ASPM: variants seen among roughly 807,000 people sequenced by gnomAD.
ASPM encodes the protein abnormal spindle-like microcephaly-associated protein.
ASPM carries 256 observed loss-of-function variants against 366.4 expected under a neutral mutation model. The ratio of observed to expected loss-of-function variants is 0.70; its 90% CI spans 0.63 to 0.77. The LOEUF (loss-of-function observed/expected upper bound fraction) is 0.77, where lower values mean the gene tolerates loss of function less well. Ranked by LOEUF, ASPM falls within the 30% of genes least tolerant of loss-of-function variation. The pLI is 0.00. For missense variants in ASPM, 4,146 were observed against 4,090.4 expected, an observed-to-expected ratio of 1.01 and a Z score of -0.37; for synonymous variants, 1,414 against 1,342.9, an observed-to-expected ratio of 1.05 and a Z score of -1.16.
At chr1:197,085,248 T>C (rs1478772835) in intron 27 of ASPM, among the ~76,000 whole-genome samples, 7 of 152,308 alleles carry the variant, frequency 4.6e-5, no homozygotes, top group African/African-American at 1.7e-4. Flanking sequence ...ATTTTATTTT[T>C]TGCCAATAAT....
At position 197,102,977 on chromosome 1, in the gene ASPM, T is replaced by G; in HGVS notation, c.6274A>C (p.Asn2092His). The G allele has an allele frequency of 3.7e-6, 6 of 1,612,414 alleles. No individual in the cohort carries two copies. The highest frequency in any genetic ancestry group is 5.1e-6 in the Non-Finnish European group (6 of 1,179,070). ...ATTTTAATTGCTGTCTTCTTCAAAT[T>G]AAGATACTCCTTATGCTGATGGTTT... The part of the protein sequence containing the change: ...ITNHQHKEYL[N>H]LKKTAIKIQS... Residue 2092 changes from asparagine to histidine, a missense_variant, in exon 18 of 28, where the codon AAT becomes CAT. Physicochemically the swap from Asn to His is moderately conservative, Grantham distance 68. Transcript: ENST00000367409.
chr1:197,103,355 G>A lies in ASPM; in HGVS notation c.5896C>T (p.Gln1966Ter). The change falls in exon 18 of 28, where the codon CAG becomes TAG. Residue 1966 changes from glutamine (Q) to a stop codon, truncating the protein, a stop_gained. Transcript: ENST00000367409. LOFTEE classifies it high-confidence loss of function. ...SMWKGKTLRR[Q>*]LQRQHKCAII... ...GCACATTTATGTTGCCTTTGAAGCT[G>A]TCTTCTCAGTGTTTTTCCCTTCCAC... 1 of 1,613,260 alleles carries A rather than the reference G, an allele frequency of 6.2e-7. No individual in the cohort carries two copies. The highest frequency in any genetic ancestry group is 2.2e-5 in the East Asian group (1 of 44,846).
Position 197,139,756 on chromosome 1 carries a change from T to A in ASPM, c.2026+11A>T. On this transcript the variant is annotated intron_variant, in intron 4 of 27. Coordinates refer to ENST00000367409, the MANE Select transcript of ASPM (RefSeq NM_018136.5). ...ATGTTTTCAGAGAGTTTAAGTATAA[T>A]AAATACTTGCCTGTTTTTAATGGTT... 1.3e-6 allele frequency: 2 copies of A among 1,547,192 alleles called. No individual in the cohort carries two copies. Among genetic ancestry groups the A allele is most frequent in the Non-Finnish European group, 1.8e-6 (2 of 1,118,994 alleles).
chr1:197,102,773 G>A lies in ASPM; in HGVS notation c.6478C>T (p.Arg2160Cys), dbSNP rs1316373424. Residue 2160 changes from arginine to cysteine, a missense_variant, in exon 18 of 28, where the codon CGT (arginine) becomes TGT (cysteine). Arg to Cys is a radical substitution (Grantham distance 180). This residue lies in a region of ASPM where 3,624 missense variants were observed against 3,591.7 expected (regional missense o/e 1.01). Coordinates refer to ENST00000367409, the MANE Select transcript of ASPM (RefSeq NM_018136.5). ...CRAYYQGKMQ[R>C]EKYLTILKAV... ...TTCAAAATTGTCAGGTACTTTTCACGCTGCATTTTACCTTGATAATATGCT... is the reference window on the plus strand; with the variant it reads ...TTCAAAATTGTCAGGTACTTTTCACACTGCATTTTACCTTGATAATATGCT... 4.3e-6 allele frequency: 7 copies of A among 1,612,186 alleles called. No individual in the cohort carries two copies. Among genetic ancestry groups the A allele is most frequent in the East Asian group, 2.2e-5 (1 of 44,826 alleles).
chr1:197,146,537 C>T lies in ASPM; in HGVS notation c.-100G>A. 3 of 1,366,508 alleles carry T rather than the reference C, an allele frequency of 2.2e-6. No homozygotes were observed. Among genetic ancestry groups the T allele is most frequent in the Non-Finnish European group, 3.1e-6 (3 of 982,658 alleles). 84.6% of individuals were successfully genotyped at this position (1,366,508 alleles called of 1,614,324 possible). A position where few individuals can be genotyped will look rare whatever the true frequency, so the allele number is the denominator to read the frequency against. On this transcript the variant is annotated 5_prime_UTR_variant, in exon 1 of 28. Transcript: ENST00000367409. ...TACGCTGACCGCTTCCCCTCAGGGG[C>T]GGCTGTAGAGGTCGTGGGAGTGAAT...
At chr1:197,140,645 T>G (rs1189913914) in intron 3 of ASPM, among the ~76,000 whole-genome samples, 1 of 152,242 alleles carries the variant, frequency 6.6e-6, no homozygotes, top group African/African-American at 2.4e-5. Context: ...TTAATCACTT[T>G]GAAGCACCTT....
At chr1:197,134,580 G>A (rs2125110075) in intron 5 of ASPM, among the ~76,000 whole-genome samples, 1 of 152,272 alleles carries the variant, frequency 6.6e-6, no homozygotes, top group East Asian at 1.9e-4. Context: ...AGCTGAAATT[G>A]ATCCCTATAA....
intron 17 of ASPM, among the ~76,000 whole-genome samples, chr1:197,117,528 A>G (rs962496079): frequency 2.0e-5 from 3 of 152,148 alleles, no homozygotes; most frequent in African/African-American, 7.2e-5. Context: ...CATGTCCCAC[A>G]GCGTAGAAGA....
intron 4 of ASPM, 44 bp from the exon 5 acceptor site, chr1:197,135,286 C>A (rs762467817): frequency 6.3e-7 from 1 of 1,585,234 alleles, no homozygotes; most frequent in Non-Finnish European, 8.7e-7. Context: ...TTTCCTTTAA[C>A]TTATTGTACA....
intron 3 of ASPM, among the ~76,000 whole-genome samples, chr1:197,142,070 G>A (rs1464308116): frequency 6.6e-6 from 1 of 152,002 alleles, no homozygotes. Flanking sequence ...TGTACATCTT[G>A]TAGGAGATTA....
At chr1:197,128,368 T>C in intron 10 of ASPM, 122 bp downstream of exon 10, 3 of 1,039,354 alleles carry the variant, frequency 2.9e-6, no homozygotes, top group Non-Finnish European at 4.3e-6. Flanking sequence ...ACCTCAATTT[T>C]TTTCAGTACT....
In ASPM at chr1:197,110,105, A is replaced by C. The variant is rs554753439; in HGVS notation, c.4066-4920T>G. Among the ~76,000 whole-genome samples, 6 of 152,208 alleles carry C rather than the reference A, an allele frequency of 3.9e-5. No homozygotes were observed. In the East Asian group the frequency reaches 9.7e-4, roughly 25 times the overall value. On this transcript the variant is annotated intron_variant, in intron 17 of 27. Coordinates refer to ENST00000367409, the MANE Select transcript of ASPM (RefSeq NM_018136.5). ...AAAACTTAAATGGAAAGACAAAGCA[A>C]CTAGAAAATTCCAACTCATTTTGAA...
intron 1 of ASPM, among the ~76,000 whole-genome samples, chr1:197,145,661 TAAA>T (rs1231363880): frequency 6.6e-6 from 1 of 152,026 alleles, no homozygotes. Context: ...AAAAAAGTGT[TAAA>T]AAAGTGCATT....
chr1:197,130,089 T>G (rs1423395495), intron 7 of ASPM, 33 bp from the exon 8 acceptor site: 1 of 1,605,572 alleles, frequency 6.2e-7, no homozygotes, highest in Non-Finnish European at 8.5e-7. Flanking sequence ...GTCAGAATTA[T>G]GCTATCTCTA....
At chr1:197,116,514 G>A (rs992700969) in intron 17 of ASPM, among the ~76,000 whole-genome samples, 9 of 152,070 alleles carry the variant, frequency 5.9e-5, no homozygotes, top group Admixed American at 2.0e-4. Flanking sequence ...CCTTCAGTTC[G>A]TAAAACACTC....
At position 197,088,209 on chromosome 1, in the gene ASPM, G is replaced by T; in HGVS notation, c.10161+47C>A. 3 of 1,578,878 alleles carry T rather than the reference G, an allele frequency of 1.9e-6. No homozygotes were observed. In the South Asian group the frequency reaches 3.3e-5, roughly 18 times the overall value. On this transcript the variant is annotated intron_variant, in intron 26 of 27. Transcript: ENST00000367409. The stretch of plus-strand genomic sequence containing the variant: ...AAAACTATAAAAGTCATAGACTTAA[G>T]ACCACAGAAAAATAATCTTAAAGAA...
rs199422146 is a variant in ASPM at position 197,142,521 on chromosome 1, GCT to G, written c.1729_1730del (p.Ser577ArgfsTer33). On this transcript the variant is annotated frameshift_variant, in exon 3 of 28. Coordinates refer to ENST00000367409, the MANE Select transcript of ASPM (RefSeq NM_018136.5). LOFTEE classifies it high-confidence loss of function. ...CATTTGCATCTTCCATGCTTCCATC[GCT>G]CTTTCTTTTCCGAGCAACTGAAGCT... ...TTASVARKRK[S>X]DGSMEDANVR... is the part of the protein sequence containing the mutation. 1.1e-5 allele frequency: 17 copies of G among 1,613,796 alleles called. No individual in the cohort carries two copies. Among genetic ancestry groups the G allele is most frequent in the Admixed American group, 1.7e-5 (1 of 59,998 alleles).
chr1:197,133,393 C>T lies in ASPM; in HGVS notation c.2376G>A (p.Arg792=), dbSNP rs772122781. The change falls in exon 6 of 28, where the codon AGG becomes AGA. Residue 792 remains arginine (R), a synonymous_variant. Coordinates refer to ENST00000367409, the MANE Select transcript of ASPM (RefSeq NM_018136.5). Reference sequence around the variant, plus strand: ...GTCTATCTTTTCGAACAATTAACCGCCTAGCTTCAATTTCAATTTCAAGCT... The same window carrying T: ...GTCTATCTTTTCGAACAATTAACCGTCTAGCTTCAATTTCAATTTCAAGCT... ...IKKLEIEIEA[R]RLIVRKDRHL... is the part of the protein sequence containing the mutation. The T allele has an allele frequency of 6.2e-6, 10 of 1,613,984 alleles. No individual in the cohort carries two copies. Among genetic ancestry groups the T allele is most frequent in the Admixed American group, 3.3e-5 (2 of 60,010 alleles).
At chr1:197,093,321 C>T (rs919331955) in intron 20 of ASPM, 60 bp from the exon 21 acceptor site, 1 of 1,366,906 alleles carries the variant, frequency 7.3e-7, no homozygotes, top group Admixed American at 1.7e-5. Flanking sequence ...TTCCAACCCA[C>T]TAGAAGTTCT....
Sources: allele counts gnomAD v4.1 joint callset (sites outside exome capture counted in the v4.1 genomes callset), GRCh38; gene constraint gnomAD v4.1.1; regional missense constraint gnomAD v4.1.1; transcripts MANE v1.5; gene names NCBI Gene and HGNC (gene_info 2026-07-23, HGNC 2026-07-21).